MAP3K7CL: variants seen among roughly 807,000 people sequenced by gnomAD.
MAP3K7CL encodes MAP3K7 C-terminal-like protein.
In MAP3K7CL, 16 loss-of-function variants were observed where a neutral mutation model predicts 18.6. That is an observed-to-expected ratio of 0.86 (90% confidence interval 0.58 to 1.31). MAP3K7CL has a LOEUF of 1.31. Among genes scored for constraint, MAP3K7CL ranks in the 50% most tolerant of loss-of-function variants. The pLI, the probability that MAP3K7CL is intolerant of heterozygous loss-of-function variation, is 0.00. For missense variants in MAP3K7CL, 163 were observed against 174.4 expected (o/e 0.93, Z 0.37); for synonymous variants, 65 against 66.8 (o/e 0.97, Z 0.13).
intron 3 of MAP3K7CL, among the ~76,000 whole-genome samples, chr21:29,150,982 C>A (rs1488901311): frequency 1.3e-5 from 2 of 151,230 alleles, no homozygotes; most frequent in African/African-American, 4.8e-5. Context: ...GTTGGCCAGA[C>A]TGGTCTCAAA....
intron 2 of MAP3K7CL, among the ~76,000 whole-genome samples, chr21:29,144,355 G>C (rs528716337): frequency 1.3e-5 from 2 of 152,090 alleles, no homozygotes; most frequent in Admixed American, 6.6e-5. Context: ...AGTGGAGACA[G>C]GTTTTCACCA....
upstream of MAP3K7CL, among the ~76,000 whole-genome samples, chr21:29,077,269 G>A (rs964706238): frequency 6.6e-6 from 1 of 152,230 alleles, no homozygotes; most frequent in Non-Finnish European, 1.5e-5. Flanking sequence ...GCGGAGGCTC[G>A]GGCATGGCGG....
intron 2 of MAP3K7CL, among the ~76,000 whole-genome samples, chr21:29,137,396 G>A (rs796384980): frequency 2.1e-4 from 32 of 152,274 alleles, no homozygotes; most frequent in African/African-American, 7.7e-4. Flanking sequence ...GCTTTGTAAG[G>A]CAAGATGTTT....
At chr21:29,127,635 G>A (rs1193097992), upstream of MAP3K7CL, 1 of 150,150 alleles carries the variant, frequency 6.7e-6, no homozygotes, top group South Asian at 2.1e-4. Flanking sequence ...ATTTTTTTTT[G>A]TTCCTTTCTC....
At chr21:29,161,681 G>A (rs1048117541) in intron 4 of MAP3K7CL, among the ~76,000 whole-genome samples, 6 of 152,138 alleles carry the variant, frequency 3.9e-5, no homozygotes, top group Non-Finnish European at 8.8e-5. Flanking sequence ...TATGTGAAGT[G>A]TGGTGGTATA....
intron 4 of MAP3K7CL, among the ~76,000 whole-genome samples, chr21:29,101,610 G>A (rs944015806): frequency 1.3e-5 from 2 of 152,082 alleles, no homozygotes; most frequent in Non-Finnish European, 2.9e-5. Flanking sequence ...TGGTTTCACT[G>A]TGTTAGCCAG....
chr21:29,149,312 G>T, intron 3 of MAP3K7CL, 62 bp downstream of exon 3: 1 of 1,434,736 alleles, frequency 7.0e-7, no homozygotes, highest in Non-Finnish European at 9.8e-7. Context: ...TAGCGAGCTG[G>T]GCAGAGAGTG....
upstream of MAP3K7CL, among the ~76,000 whole-genome samples, chr21:29,084,868 T>C (rs1179200311): frequency 6.6e-6 from 1 of 152,208 alleles, no homozygotes; most frequent in East Asian, 1.9e-4. Context: ...CAATTAGAAA[T>C]TAACTTTCTG....
At chr21:29,110,672 A>G (rs1427876442) in intron 4 of MAP3K7CL, among the ~76,000 whole-genome samples, 1 of 152,130 alleles carries the variant, frequency 6.6e-6, no homozygotes. Context: ...TGTTGGGATT[A>G]TAGGCATGAG....
chr21:29,106,722 G>A (rs775278963), intron 4 of MAP3K7CL, among the ~76,000 whole-genome samples: 33 of 152,234 alleles, frequency 2.2e-4, no homozygotes, highest in Non-Finnish European at 4.4e-4. Flanking sequence ...GCTCTGAGCA[G>A]TGGGGCTTTG....
intron 4 of MAP3K7CL, chr21:29,122,070 T>C (rs2086603076): frequency 6.6e-6 from 1 of 152,244 alleles, no homozygotes; most frequent in Admixed American, 6.5e-5. Flanking sequence ...GTTTGGTTTC[T>C]GGAAAGTGCT....
In MAP3K7CL at chr21:29,121,479, C is replaced by A. The variant is rs901013407; in HGVS notation, c.371-27710C>A. 2.6e-5 allele frequency among the ~76,000 whole-genome samples: 4 copies of A among 152,134 alleles called. No homozygotes were observed. The East Asian group carries it at 7.7e-4, about 29-fold the overall frequency. ...TATTCAAGCTAATGTTAAGTTAGTT[C>A]TTGACTCCTGCAACTGAAAGAATAT... On this transcript the variant is annotated intron_variant, in intron 4 of 6. Transcript: ENST00000286791.
At chr21:29,141,933 T>C (rs1327576493) in intron 2 of MAP3K7CL, among the ~76,000 whole-genome samples, 1 of 152,192 alleles carries the variant, frequency 6.6e-6, no homozygotes. Flanking sequence ...ATTGGCTACT[T>C]TTTATCACAT....
At chr21:29,120,763 C>G (rs1281059638) in intron 4 of MAP3K7CL, among the ~76,000 whole-genome samples, 2 of 148,844 alleles carry the variant, frequency 1.3e-5, no homozygotes, top group Non-Finnish European at 3.0e-5. Context: ...CCTTCCTTTT[C>G]TTTCATCAAT....
chr21:29,094,832 G>A (rs929741479), intron 4 of MAP3K7CL, among the ~76,000 whole-genome samples: 1 of 152,120 alleles, frequency 6.6e-6, no homozygotes, highest in Non-Finnish European at 1.5e-5. Context: ...CGAGGCAGGA[G>A]CATTGCTTGA....
At chr21:29,133,192 A>C in intron 1 of MAP3K7CL, 114 bp from the exon 2 acceptor site, 1 of 594,024 alleles carries the variant, frequency 1.7e-6, no homozygotes, top group Non-Finnish European at 2.8e-6. Context: ...TCTTTAGAAT[A>C]AGCAGGTAAT....
chr21:29,120,216 A>T (rs2086569413), intron 4 of MAP3K7CL, among the ~76,000 whole-genome samples: 1 of 150,054 alleles, frequency 6.7e-6, no homozygotes, highest in Non-Finnish European at 1.5e-5. Flanking sequence ...CCTGCAATCT[A>T]TTGGTATCTT....
chr21:29,125,102 A>C (rs754605846), intron 4 of MAP3K7CL, among the ~76,000 whole-genome samples: 13 of 152,110 alleles, frequency 8.5e-5, no homozygotes, highest in Non-Finnish European at 1.8e-4. Context: ...GTTTTTTCCT[A>C]TGTTTTTGCC....
chr21:29,104,814 C>T (rs553858982), intron 4 of MAP3K7CL, among the ~76,000 whole-genome samples: 47 of 152,358 alleles, frequency 3.1e-4, no homozygotes, highest in African/African-American at 3.6e-4. Flanking sequence ...GATTCTCTTT[C>T]TACATGTACC....
Sources: allele counts gnomAD v4.1 joint callset (sites outside exome capture counted in the v4.1 genomes callset), GRCh38; gene constraint gnomAD v4.1.1; transcripts MANE v1.5; gene names NCBI Gene and HGNC (gene_info 2026-07-23, HGNC 2026-07-21).